The following NFIA variants were observed in gnomAD, a reference collection of about 807,000 sequenced individuals.
NFIA encodes the protein nuclear factor 1 A-type.
Under a neutral mutation model 62.8 loss-of-function variants are expected in NFIA, and 8 were observed. The ratio of observed to expected loss-of-function variants is 0.13; its 90% CI spans 0.07 to 0.23. NFIA has a LOEUF of 0.23. Ranked by LOEUF, NFIA falls within the 10% of genes least tolerant of loss-of-function variation. The pLI, the probability that NFIA is intolerant of heterozygous loss-of-function variation, is 1.00. For synonymous variants in NFIA, 235 were observed against 238.1 expected, an observed-to-expected ratio of 0.99 and a Z score of 0.12; for missense variants, 410 against 642.1, an observed-to-expected ratio of 0.64 and a Z score of 3.91.
At chr1:61,369,089 C>T (rs987603156) in intron 6 of NFIA, among the ~76,000 whole-genome samples, 3 of 152,182 alleles carry the variant, frequency 2.0e-5, no homozygotes, top group African/African-American at 7.2e-5. Context: ...GCCATTTCAT[C>T]GTTAAAGGAG....
chr1:61,159,891 A>T (rs947161915), intron 2 of NFIA, among the ~76,000 whole-genome samples: 1 of 152,126 alleles, frequency 6.6e-6, no homozygotes, highest in Non-Finnish European at 1.5e-5. Context: ...CATGTTGGCC[A>T]GGCTGGTCTC....
At chr1:61,301,791 C>T (rs770253163) in intron 3 of NFIA, among the ~76,000 whole-genome samples, 1 of 152,124 alleles carries the variant, frequency 6.6e-6, no homozygotes, top group Non-Finnish European at 1.5e-5. Flanking sequence ...ACATCAGATT[C>T]TTCCTGAAAG....
chr1:61,259,349 C>T (rs959080242), intron 2 of NFIA, among the ~76,000 whole-genome samples: 2 of 152,148 alleles, frequency 1.3e-5, no homozygotes, highest in African/African-American at 2.4e-5. Flanking sequence ...AAATCTTGCC[C>T]GGACTGGCCC....
At chr1:61,143,634 G>C (rs776850496) in intron 2 of NFIA, among the ~76,000 whole-genome samples, 3 of 152,084 alleles carry the variant, frequency 2.0e-5, no homozygotes, top group Non-Finnish European at 2.9e-5. Flanking sequence ...CAAGTGATCT[G>C]CCCACCTTGG....
At chr1:61,288,013 C>G (rs1251646388) in intron 3 of NFIA, among the ~76,000 whole-genome samples, 1 of 152,154 alleles carries the variant, frequency 6.6e-6, no homozygotes, top group Non-Finnish European at 1.5e-5. Flanking sequence ...CTGCTGGTAC[C>G]TAGCCCAGTA....
intron 7 of NFIA, among the ~76,000 whole-genome samples, chr1:61,393,290 T>TCTCTCTCC (rs1343271825): frequency 3.1e-5 from 2 of 63,592 alleles, no homozygotes; most frequent in Non-Finnish European, 5.1e-5. Flanking sequence ...TCTCTCTCTC[T>TCTCTCTCC]CCCTCTTTCT....
intron 2 of NFIA, among the ~76,000 whole-genome samples, chr1:61,170,836 G>A (rs924593168): frequency 6.6e-6 from 1 of 152,136 alleles, no homozygotes; most frequent in Admixed American, 6.5e-5. Context: ...ACCCACAAAG[G>A]TGTTTGGTCT....
In NFIA at chr1:61,175,474, G is replaced by A. The variant is rs184349606; in HGVS notation, c.559+86794G>A. On this transcript the variant is annotated intron_variant, in intron 2 of 10. Coordinates refer to ENST00000403491, the MANE Select transcript of NFIA (RefSeq NM_001134673.4). ...TGATTTTGAGTTTATGAAAAATGTT[G>A]TATAACTATAGATGGGAAAAACTAT... 3.7e-3 allele frequency among the ~76,000 whole-genome samples: 560 copies of A among 152,246 alleles called. 2 individuals are homozygous for A. The highest frequency in any genetic ancestry group is 0.012 in the African/African-American group (493 of 41,530).
intron 2 of NFIA, among the ~76,000 whole-genome samples, chr1:61,228,164 G>A (rs1026010520): frequency 2.0e-5 from 3 of 152,088 alleles, no homozygotes; most frequent in African/African-American, 7.2e-5. Flanking sequence ...CTATTATAAT[G>A]TTCTTTTTTA....
At chr1:61,203,915 T>C (rs1256601457) in intron 2 of NFIA, among the ~76,000 whole-genome samples, 2 of 152,176 alleles carry the variant, frequency 1.3e-5, no homozygotes, top group Admixed American at 6.5e-5. Flanking sequence ...CAGGCTCCAT[T>C]TGGATTATGG....
At position 61,378,511 on chromosome 1, in the gene NFIA, CAT is replaced by C. The variant is rs534105382; in HGVS notation, c.947-4725_947-4724del. ...GTACAGTAAACATCTTTAATACACACATGTCTAGCATTGCAGTCGTCTTATAT... is the reference window on the plus strand; with the variant it reads ...GTACAGTAAACATCTTTAATACACACGTCTAGCATTGCAGTCGTCTTATAT... On this transcript the variant is annotated intron_variant, in intron 6 of 10. Transcript: ENST00000403491. Among the ~76,000 whole-genome samples the C allele has an allele frequency of 1.4e-4, 22 of 152,278 alleles. 1 individual carries two copies. The highest frequency in any genetic ancestry group is 2.1e-4 in the South Asian group (1 of 4,830).
intron 6 of NFIA, among the ~76,000 whole-genome samples, chr1:61,361,992 C>T (rs1298848876): frequency 3.3e-5 from 5 of 152,070 alleles, no homozygotes; most frequent in South Asian, 2.1e-4. Flanking sequence ...ACTCAGCAAG[C>T]GCAGAAAGTC....
intron 4 of NFIA, among the ~76,000 whole-genome samples, chr1:61,339,031 A>C (rs77586475): frequency 0.038 from 5,795 of 152,330 alleles, 374 homozygotes; most frequent in African/African-American, 0.13. Flanking sequence ...TAGCATGAAC[A>C]GTTGCCGTGA....
intron 3 of NFIA, among the ~76,000 whole-genome samples, chr1:61,305,270 G>T (rs951778296): frequency 1.3e-5 from 2 of 151,910 alleles, no homozygotes; most frequent in Non-Finnish European, 2.9e-5. Context: ...GATGGGAAGG[G>T]GTGGCAGAAG....
At chr1:61,397,176 A>G (rs1464257519) in intron 7 of NFIA, among the ~76,000 whole-genome samples, 1 of 152,096 alleles carries the variant, frequency 6.6e-6, no homozygotes, top group African/African-American at 2.4e-5. Flanking sequence ...ATTTAAGTAA[A>G]GGCAGGAATT....
chr1:61,178,918 T>C (rs1434622265), intron 2 of NFIA, among the ~76,000 whole-genome samples: 3 of 152,180 alleles, frequency 2.0e-5, no homozygotes, highest in Non-Finnish European at 4.4e-5. Flanking sequence ...CTGTGAGAGA[T>C]TGGGCTCCCT....
intron 6 of NFIA, 55 bp from the exon 7 acceptor site, chr1:61,383,182 A>T (rs966582163): frequency 6.3e-7 from 1 of 1,599,108 alleles, no homozygotes; most frequent in African/African-American, 1.3e-5. Flanking sequence ...TTTAGGTTGC[A>T]CAAATCATTG....
chr1:61,084,088 T>A (rs1009121915), intron 1 of NFIA, among the ~76,000 whole-genome samples: 1 of 152,232 alleles, frequency 6.6e-6, no homozygotes, highest in Non-Finnish European at 1.5e-5. Context: ...ATCTGACCAT[T>A]AATCACCTAC....
At chr1:61,280,140 G>T (rs1280008165) in intron 3 of NFIA, among the ~76,000 whole-genome samples, 2 of 152,140 alleles carry the variant, frequency 1.3e-5, no homozygotes, top group Non-Finnish European at 2.9e-5. Flanking sequence ...GAGGAAAAAT[G>T]ATTTTTCTCT....
Sources: gnomAD v4.1 joint callset for allele counts (sites outside exome capture counted in the v4.1 genomes callset) on GRCh38, gnomAD v4.1.1 for gene constraint, MANE v1.5 for transcripts, NCBI Gene and HGNC (gene_info 2026-07-23, HGNC 2026-07-21) for gene names.